The following CCDC25 variants were observed in gnomAD, a reference collection of about 807,000 sequenced individuals.
The protein encoded by CCDC25 is coiled-coil domain-containing protein 25.
In CCDC25, 16 loss-of-function variants were observed where a neutral mutation model predicts 35.3. The ratio of observed to expected loss-of-function variants is 0.45; its 90% CI spans 0.31 to 0.69. CCDC25 has a LOEUF of 0.69. Among genes scored for constraint, CCDC25 ranks in the 30% least tolerant of loss-of-function variants. The pLI is 0.06. For missense variants in CCDC25, 179 were observed against 250.7 expected, an observed-to-expected ratio of 0.71 and a Z score of 1.93; for synonymous variants, 79 against 80.3, an observed-to-expected ratio of 0.98 and a Z score of 0.09.
chr8:27,764,732 A>T (rs1050816947), intron 2 of CCDC25, among the ~76,000 whole-genome samples: 2 of 152,156 alleles, frequency 1.3e-5, no homozygotes, highest in African/African-American at 4.8e-5. Flanking sequence ...GGATTCCACA[A>T]TCTAGTCCAT....
chr8:27,749,049 T>C (rs1490283310), intron 5 of CCDC25, among the ~76,000 whole-genome samples: 1 of 152,196 alleles, frequency 6.6e-6, no homozygotes, highest in Non-Finnish European at 1.5e-5. Flanking sequence ...AGAAGTCCCC[T>C]GGCCCTCTGA....
intron 1 of CCDC25, among the ~76,000 whole-genome samples, chr8:27,770,528 G>A (rs1434885456): frequency 6.7e-6 from 1 of 149,678 alleles, no homozygotes; most frequent in South Asian, 2.1e-4. Context: ...ACCTGAGGTC[G>A]GGAGTTCAAG....
In CCDC25 at chr8:27,772,577, A is replaced by G; in HGVS notation, c.-37T>C. ...CGGTGCGGTGACTCCACCGCGGAGC[A>G]GCAGCGCTCAACTCACGAAGCTCAG... On this transcript the variant is annotated 5_prime_UTR_variant, in exon 1 of 9. Coordinates refer to ENST00000356537, the MANE Select transcript of CCDC25 (RefSeq NM_018246.3). 1 of 1,544,148 alleles carries G rather than the reference A, an allele frequency of 6.5e-7. No individual in the cohort carries two copies. Among genetic ancestry groups the G allele is most frequent in the East Asian group, 2.5e-5 (1 of 40,776 alleles).
In CCDC25 at chr8:27,735,435, T is replaced by C. The variant is rs542247506; in HGVS notation, c.*781A>G. On this transcript the variant is annotated 3_prime_UTR_variant, in exon 9 of 9. Transcript: ENST00000356537. Reference sequence around the variant, plus strand: ...AATCAGGTAACCTACATCTCCCAAATGATCAACAGAGCACTCCATCCTATT... The same window carrying C: ...AATCAGGTAACCTACATCTCCCAAACGATCAACAGAGCACTCCATCCTATT... 1.3e-5 allele frequency: 2 copies of C among 152,302 alleles called. No individual in the cohort carries two copies. Among genetic ancestry groups the C allele is most frequent in the African/African-American group, 4.8e-5 (2 of 41,580 alleles). The allele number at this position is 152,302 out of a possible 1,614,324, so 9.4% of individuals were successfully genotyped here.
chr8:27,748,462 GCTCCGC>G, intron 6 of CCDC25, 27 bp downstream of exon 6: 1 of 1,500,940 alleles, frequency 6.7e-7, no homozygotes, highest in Non-Finnish European at 9.3e-7. Flanking sequence ...CAGTATCAGG[GCTCCGC>G]CTCCTTCAGT....
chr8:27,759,779 C>CAAAAAAAAAAA (rs77051762), intron 3 of CCDC25, among the ~76,000 whole-genome samples: 5 of 91,242 alleles, frequency 5.5e-5, no homozygotes, highest in East Asian at 1.5e-3. Context: ...GACTCTGTCT[C>CAAAAAAAAAAA]AAAAAAAAAA....
intron 2 of CCDC25, 79 bp downstream of exon 2, chr8:27,765,125 G>T: frequency 7.6e-7 from 1 of 1,312,774 alleles, no homozygotes; most frequent in Admixed American, 2.6e-5. Context: ...CAAACTGGGT[G>T]GGGGGCATGG....
In CCDC25 at chr8:27,748,409, T is replaced by C. The variant is rs1803678460; in HGVS notation, c.348+86A>G. On this transcript the variant is annotated intron_variant, in intron 6 of 8. Transcript: ENST00000356537. ...AGAAAACATATATCATGCTCAGCCC[T>C]CAACAACAATGGTGTCAGACAGAAA... 3.7e-6 allele frequency: 5 copies of C among 1,338,046 alleles called. No homozygotes were observed. The Admixed American group carries it at 8.6e-5, about 23-fold the overall frequency. 82.9% of individuals were successfully genotyped at this position (1,338,046 alleles called of 1,614,324 possible). A position where few individuals can be genotyped will look rare whatever the true frequency, so the allele number is the denominator to read the frequency against.
chr8:27,747,557 T>C (rs1280330972), intron 7 of CCDC25, among the ~76,000 whole-genome samples: 3 of 152,270 alleles, frequency 2.0e-5, no homozygotes, highest in East Asian at 1.9e-4. Flanking sequence ...CCTTCTTCAC[T>C]AGAATTTCAG....
chr8:27,755,522 G>A (rs1196033081), intron 4 of CCDC25, among the ~76,000 whole-genome samples: 3 of 152,200 alleles, frequency 2.0e-5, no homozygotes, highest in Non-Finnish European at 4.4e-5. Flanking sequence ...AGGAAGTAGT[G>A]CTTAATTCCA....
At chr8:27,740,411 T>C in intron 8 of CCDC25, 61 bp downstream of exon 8, 2 of 1,517,560 alleles carry the variant, frequency 1.3e-6, no homozygotes, top group Non-Finnish European at 1.8e-6. Context: ...GTAACACAAT[T>C]ATTAAAAACC....
At chr8:27,758,684 C>A (rs1201111139) in intron 3 of CCDC25, among the ~76,000 whole-genome samples, 2 of 152,186 alleles carry the variant, frequency 1.3e-5, no homozygotes, top group African/African-American at 2.4e-5. Flanking sequence ...CCCATTCCAA[C>A]TTTTATTTGC....
intron 8 of CCDC25, among the ~76,000 whole-genome samples, chr8:27,739,936 A>G (rs1266463964): frequency 6.6e-6 from 1 of 152,220 alleles, no homozygotes; most frequent in African/African-American, 2.4e-5. Flanking sequence ...ACGCAATGTT[A>G]AGAAGATCCT....
intron 1 of CCDC25, among the ~76,000 whole-genome samples, chr8:27,765,452 A>G (rs1365151056): frequency 6.6e-6 from 1 of 152,128 alleles, no homozygotes; most frequent in Non-Finnish European, 1.5e-5. Flanking sequence ...AAAAAGCAAA[A>G]CAAAGAAGAA....
At chr8:27,738,154 T>C (rs764814735) in intron 8 of CCDC25, among the ~76,000 whole-genome samples, 2 of 152,002 alleles carry the variant, frequency 1.3e-5, no homozygotes, top group Non-Finnish European at 2.9e-5. Flanking sequence ...ACTACAAATA[T>C]GGTGCAGTGT....
At chr8:27,770,342 G>A (rs1420152343) in intron 1 of CCDC25, among the ~76,000 whole-genome samples, 1 of 152,058 alleles carries the variant, frequency 6.6e-6, no homozygotes. Context: ...TACCAGAATC[G>A]CTTGAACCCA....
At chr8:27,757,957 G>T (rs898998921) in intron 3 of CCDC25, among the ~76,000 whole-genome samples, 4 of 152,086 alleles carry the variant, frequency 2.6e-5, no homozygotes, top group Non-Finnish European at 5.9e-5. Context: ...CATGTAAGCC[G>T]CCTCGCTTCC....
At chr8:27,770,740 CAA>C (rs10706627) in intron 1 of CCDC25, among the ~76,000 whole-genome samples, 104 of 126,690 alleles carry the variant, frequency 8.2e-4, no homozygotes, top group Middle Eastern at 4.0e-3. Context: ...ACTCCGTCTC[CAA>C]AAAAAAAAAA....
At chr8:27,766,475 T>C (rs1180196149) in intron 1 of CCDC25, among the ~76,000 whole-genome samples, 1 of 152,198 alleles carries the variant, frequency 6.6e-6, no homozygotes, top group East Asian at 1.9e-4. Context: ...CCAGAAGTAG[T>C]TGAGAAAAGT....
Sources: allele counts gnomAD v4.1 joint callset (sites outside exome capture counted in the v4.1 genomes callset), GRCh38; gene constraint gnomAD v4.1.1; transcripts MANE v1.5; gene names NCBI Gene and HGNC (gene_info 2026-07-23, HGNC 2026-07-21).